The following GNA14 variants were observed in gnomAD, a reference collection of about 807,000 sequenced individuals.
The protein encoded by GNA14 is guanine nucleotide-binding protein subunit alpha-14.
Under a neutral mutation model 42.0 loss-of-function variants are expected in GNA14, and 50 were observed. That is an observed-to-expected ratio of 1.19 (90% confidence interval 0.95 to 1.51). The LOEUF (loss-of-function observed/expected upper bound fraction) is 1.51. Ranked by LOEUF, GNA14 falls within the 40% of genes most tolerant of loss-of-function variation. The probability of loss-of-function intolerance (pLI) is 0.00; values close to 1 mark genes in which losing one functional copy is unlikely to be tolerated. For missense variants in GNA14, 473 were observed against 446.2 expected (o/e 1.06, Z -0.54); for synonymous variants, 173 against 163.1 (o/e 1.06, Z -0.46).
chr9:77,425,442 G>A (rs570237907), intron 6 of GNA14, 120 bp downstream of exon 6: 2 of 657,694 alleles, frequency 3.0e-6, no homozygotes, highest in Non-Finnish European at 5.3e-6. Context: ...GTGGGAATAG[G>A]GGGAGAGGCT....
At chr9:77,496,311 TCAAGTA>T (rs1836867430) in intron 2 of GNA14, among the ~76,000 whole-genome samples, 1 of 152,168 alleles carries the variant, frequency 6.6e-6, no homozygotes, top group South Asian at 2.1e-4. Flanking sequence ...ATCTCAAGCC[TCAAGTA>T]CAAGAGCCAA....
chr9:77,495,558 T>TG (rs1267460833), intron 2 of GNA14, among the ~76,000 whole-genome samples: 1 of 152,238 alleles, frequency 6.6e-6, no homozygotes, highest in East Asian at 1.9e-4. Flanking sequence ...TATGGACTTT[T>TG]GTGACAGCAA....
At chr9:77,463,538 C>T (rs1836156004) in intron 2 of GNA14, among the ~76,000 whole-genome samples, 1 of 152,168 alleles carries the variant, frequency 6.6e-6, no homozygotes. Context: ...TATCCTTAAC[C>T]TTTAGTTTTT....
intron 2 of GNA14, among the ~76,000 whole-genome samples, chr9:77,440,311 C>G (rs930904609): frequency 5.9e-5 from 9 of 152,230 alleles, no homozygotes; most frequent in African/African-American, 2.2e-4. Context: ...CTGCCGGTGA[C>G]AGTCCCTGCC....
At chr9:77,487,586 C>G (rs1836682560) in intron 2 of GNA14, among the ~76,000 whole-genome samples, 1 of 152,072 alleles carries the variant, frequency 6.6e-6, no homozygotes, top group Non-Finnish European at 1.5e-5. Context: ...ACAGGAGAAC[C>G]ATGTTGCTGT....
intron 2 of GNA14, among the ~76,000 whole-genome samples, chr9:77,483,374 T>C (rs1284490799): frequency 1.3e-5 from 2 of 152,176 alleles, no homozygotes; most frequent in African/African-American, 4.8e-5. Flanking sequence ...CAGCGGTGGC[T>C]GTAGAACAGC....
In GNA14 at chr9:77,431,149, C is replaced by T. The variant is rs144985220; in HGVS notation, c.593+172G>A. ...AAGGGTAACAGGAAGGTGACTTCCTCTCCATTCCAGGGTTGAGACCTACCT... is the reference window on the plus strand; with the variant it reads ...AAGGGTAACAGGAAGGTGACTTCCTTTCCATTCCAGGGTTGAGACCTACCT... On this transcript the variant is annotated intron_variant, in intron 4 of 6. Coordinates refer to ENST00000341700, the MANE Select transcript of GNA14 (RefSeq NM_004297.4). 2.1e-3 allele frequency among the ~76,000 whole-genome samples: 323 copies of T among 152,166 alleles called. 2 individuals carry two copies. The highest frequency in any genetic ancestry group is 7.3e-3 in the African/African-American group (305 of 41,520).
At chr9:77,646,183 C>T (rs894267955) in intron 1 of GNA14, among the ~76,000 whole-genome samples, 3 of 152,332 alleles carry the variant, frequency 2.0e-5, no homozygotes, top group East Asian at 1.9e-4. Flanking sequence ...TGGGCACCCA[C>T]GGGGACTCCC....
chr9:77,493,999 C>A (rs1160805838), intron 2 of GNA14, among the ~76,000 whole-genome samples: 1 of 152,220 alleles, frequency 6.6e-6, no homozygotes, highest in African/African-American at 2.4e-5. Context: ...TGGCTCACAG[C>A]AACCTCCGCC....
chr9:77,474,896 G>A (rs956239864), intron 2 of GNA14, among the ~76,000 whole-genome samples: 1 of 152,138 alleles, frequency 6.6e-6, no homozygotes, highest in South Asian at 2.1e-4. Flanking sequence ...ATCCAGTCAC[G>A]AATGGCCACA....
At chr9:77,566,000 G>A (rs1822961850) in intron 1 of GNA14, among the ~76,000 whole-genome samples, 1 of 151,484 alleles carries the variant, frequency 6.6e-6, no homozygotes, top group Non-Finnish European at 1.5e-5. Flanking sequence ...ACTGAGTGGA[G>A]GCCAGGGTTG....
In GNA14 at chr9:77,647,815, G is replaced by T; in HGVS notation, c.-22C>A. Reference sequence around the variant, plus strand: ...CCATGGTGCGCTCAGCTCAGTACCCGACGGGGCGACGCGGCCCCGGGCACC... The same window carrying T: ...CCATGGTGCGCTCAGCTCAGTACCCTACGGGGCGACGCGGCCCCGGGCACC... On this transcript the variant is annotated 5_prime_UTR_variant, in exon 1 of 7. Transcript: ENST00000341700. The T allele has an allele frequency of 6.3e-7, 1 of 1,599,912 alleles. No homozygotes were observed. The highest frequency in any genetic ancestry group is 8.5e-7 in the Non-Finnish European group (1 of 1,176,076).
intron 6 of GNA14, among the ~76,000 whole-genome samples, 187 bp downstream of exon 6, chr9:77,425,375 T>G (rs1835437317): frequency 6.6e-6 from 1 of 151,920 alleles, no homozygotes; most frequent in Non-Finnish European, 1.5e-5. Flanking sequence ...GGGAAGCACA[T>G]GTGGAGGTGC....
intron 1 of GNA14, among the ~76,000 whole-genome samples, chr9:77,539,456 G>T (rs74811655): frequency 1.3e-5 from 2 of 152,088 alleles, no homozygotes; most frequent in Non-Finnish European, 2.9e-5. Flanking sequence ...AGGGATATTC[G>T]CCTGTTGTTT....
chr9:77,441,758 C>A (rs1323252056), intron 2 of GNA14, among the ~76,000 whole-genome samples: 1 of 152,084 alleles, frequency 6.6e-6, no homozygotes, highest in African/African-American at 2.4e-5. Context: ...GTATTTCCAA[C>A]TTCTGTAAAA....
chr9:77,538,702 T>G (rs577083621), intron 1 of GNA14, among the ~76,000 whole-genome samples: 1 of 152,296 alleles, frequency 6.6e-6, no homozygotes, highest in South Asian at 2.1e-4. Flanking sequence ...GTAAATAGCA[T>G]TGCTTTCTTG....
chr9:77,452,591 T>TG (rs1835925867), intron 2 of GNA14, among the ~76,000 whole-genome samples: 5 of 126,650 alleles, frequency 3.9e-5, no homozygotes, highest in East Asian at 2.5e-4. Flanking sequence ...TGTATGTGTG[T>TG]GTGTGGTGTG....
intron 2 of GNA14, among the ~76,000 whole-genome samples, chr9:77,486,290 T>C (rs545305112): frequency 6.5e-4 from 99 of 152,366 alleles, no homozygotes; most frequent in Non-Finnish European, 8.1e-4. Flanking sequence ...CCAGCTTTTA[T>C]TGTGCAGCTT....
At chr9:77,600,946 T>C (rs911946900) in intron 1 of GNA14, among the ~76,000 whole-genome samples, 8 of 151,788 alleles carry the variant, frequency 5.3e-5, no homozygotes, top group African/African-American at 1.9e-4. Context: ...AATAAACAGA[T>C]TAGGAGTGAA....
Sources: allele counts gnomAD v4.1 joint callset (sites outside exome capture counted in the v4.1 genomes callset), GRCh38; gene constraint gnomAD v4.1.1; transcripts MANE v1.5; gene names NCBI Gene and HGNC (gene_info 2026-07-23, HGNC 2026-07-21).